DBF4: variants seen among roughly 807,000 people sequenced by gnomAD.
DBF4 encodes protein DBF4 homolog A.
Under a neutral mutation model 76.6 loss-of-function variants are expected in DBF4, and 25 were observed. The ratio of observed to expected loss-of-function variants is 0.33; its 90% CI spans 0.24 to 0.46. The LOEUF is 0.46. Among genes scored for constraint, DBF4 ranks in the 20% least tolerant of loss-of-function variants. The pLI is 1.00. For missense variants in DBF4, 638 were observed against 760.8 expected (o/e 0.84, Z 1.90); for synonymous variants, 213 against 258.0 (o/e 0.83, Z 1.67).
Position 87,888,038 on chromosome 7 carries a change from A to G in DBF4, c.576A>G (p.Ser192=). 1 of 1,562,316 alleles carries G rather than the reference A, an allele frequency of 6.4e-7. No homozygotes were observed. Among genetic ancestry groups the G allele is most frequent in the Non-Finnish European group, 8.6e-7 (1 of 1,157,414 alleles). ...KKKELYLLKK[S]STSVRDGGKR... is the part of the protein sequence containing the mutation. ...AAGAGTTGTATTTACTCAAGAAATC[A>G]AGTACTTCAGTAAGAGATGGGGTAT... The change falls in exon 6 of 12, where the codon TCA becomes TCG. Residue 192 remains serine, a synonymous_variant. Coordinates refer to ENST00000265728, the MANE Select transcript of DBF4 (RefSeq NM_006716.4).
chr7:87,896,447 A>T, intron 6 of DBF4, 27 bp from the exon 7 acceptor site: 1 of 1,603,790 alleles, frequency 6.2e-7, no homozygotes, highest in Non-Finnish European at 8.5e-7. Context: ...TTCAAAGCCA[A>T]TCTTTTCACT....
At chr7:87,891,598 G>C (rs1839491950) in intron 6 of DBF4, among the ~76,000 whole-genome samples, 2 of 152,028 alleles carry the variant, frequency 1.3e-5, no homozygotes, top group Non-Finnish European at 1.5e-5. Flanking sequence ...TATTAACTTT[G>C]TAATGTCTAT....
At chr7:87,891,116 G>T (rs758772302) in intron 6 of DBF4, among the ~76,000 whole-genome samples, 18 of 150,888 alleles carry the variant, frequency 1.2e-4, no homozygotes, top group African/African-American at 4.4e-4. Flanking sequence ...TATGGTAATT[G>T]GATAAAGGTA....
At chr7:87,889,148 T>C (rs1839428449) in intron 6 of DBF4, among the ~76,000 whole-genome samples, 1 of 152,170 alleles carries the variant, frequency 6.6e-6, no homozygotes, top group Non-Finnish European at 1.5e-5. Flanking sequence ...CTTGGAGAGT[T>C]TGGAAAATTA....
chr7:87,907,036 A>G (rs1034798765), intron 11 of DBF4, 152 bp from the exon 12 acceptor site: 63 of 869,776 alleles, frequency 7.2e-5, no homozygotes, highest in Admixed American at 4.4e-4. Flanking sequence ...ATTTGGCAAA[A>G]TGTTAAGATG....
chr7:87,900,807 C>T lies in DBF4; in HGVS notation c.853C>T (p.Leu285Phe), dbSNP rs777396156. The T allele has an allele frequency of 3.7e-6, 6 of 1,613,224 alleles. No homozygotes were observed. Among genetic ancestry groups the T allele is most frequent in the East Asian group, 2.2e-5 (1 of 44,792 alleles). Reference sequence around the variant, plus strand: ...TAAGTATGGTGGAACCTCAATTCAACTCCAGTTGAAAGAGAAGAAGAAAAA... The same window carrying T: ...TAAGTATGGTGGAACCTCAATTCAATTCCAGTTGAAAGAGAAGAAGAAAAA... ...GDKYGGTSIQLQLKEKKKKGY... is the reference protein window; with the variant it reads ...GDKYGGTSIQFQLKEKKKKGY... The change falls in exon 10 of 12, where the codon CTC becomes TTC. Residue 285 changes from leucine to phenylalanine, a missense_variant. Leu to Phe is a conservative substitution (Grantham distance 22). Coordinates refer to ENST00000265728, the MANE Select transcript of DBF4 (RefSeq NM_006716.4).
At position 87,878,232 on chromosome 7, in the gene DBF4, G is replaced by A. The variant is rs770365562; in HGVS notation, c.219+7G>A. The A allele has an allele frequency of 3.1e-6, 5 of 1,603,982 alleles. No homozygotes were observed. The highest frequency in any genetic ancestry group is 3.4e-6 in the Non-Finnish European group (4 of 1,176,038). ...CATTAAGGATCTGGGAGGGGTAAGT[G>A]AAAACCGTACACTGGCATAGAAGGA... On this transcript the variant is annotated splice_region_variant and intron_variant, in intron 2 of 11. Transcript: ENST00000265728.
chr7:87,897,228 GT>G, intron 7 of DBF4, 65 bp from the exon 8 acceptor site: 1 of 1,418,062 alleles, frequency 7.1e-7, no homozygotes. Context: ...TGCCACAGTA[GT>G]TTTATTAAAA....
At chr7:87,896,750 T>C (rs1012914228) in intron 7 of DBF4, among the ~76,000 whole-genome samples, 1 of 152,232 alleles carries the variant, frequency 6.6e-6, no homozygotes, top group African/African-American at 2.4e-5. Context: ...TATATTAAAA[T>C]GTAGTTACCA....
intron 3 of DBF4, among the ~76,000 whole-genome samples, chr7:87,886,201 A>T (rs552629301): frequency 1.3e-5 from 2 of 152,166 alleles, no homozygotes; most frequent in Admixed American, 6.5e-5. Flanking sequence ...ATTGTTGGTT[A>T]TGGCATTTCA....
rs1839310827 is a variant in DBF4, at chr7:87,885,063, AT to A, written c.307del (p.Ser103LeufsTer34). ...EAKFAQTLGR[I>X]SPVPSPESAY... ...TAAATTTGCACAAACCTTGGGTCGAATTTCTCCTGTACCAAGTCCAGAATCT... is the reference window on the plus strand; with the variant it reads ...TAAATTTGCACAAACCTTGGGTCGAATTCTCCTGTACCAAGTCCAGAATCT... On this transcript the variant is annotated frameshift_variant, in exon 3 of 12. Transcript: ENST00000265728. LOFTEE classifies it high-confidence loss of function. 7.4e-6 allele frequency: 12 copies of A among 1,613,886 alleles called. No homozygotes were observed. In the South Asian group the frequency reaches 1.3e-4, roughly 18 times the overall value.
intron 10 of DBF4, among the ~76,000 whole-genome samples, chr7:87,903,092 T>C (rs1839828289): frequency 6.6e-6 from 1 of 152,214 alleles, no homozygotes; most frequent in Admixed American, 6.5e-5. Context: ...TTGTTTTTTG[T>C]TTTTATTTGA....
At chr7:87,884,021 C>T (rs1188797166) in intron 2 of DBF4, among the ~76,000 whole-genome samples, 2 of 152,038 alleles carry the variant, frequency 1.3e-5, no homozygotes, top group Admixed American at 1.3e-4. Flanking sequence ...TAAGTAAATT[C>T]AGATACTTAG....
intron 10 of DBF4, among the ~76,000 whole-genome samples, chr7:87,902,873 T>C (rs975877144): frequency 6.6e-6 from 1 of 152,172 alleles, no homozygotes; most frequent in Non-Finnish European, 1.5e-5. Context: ...AAATGTAAAA[T>C]TGCATGAAAC....
chr7:87,896,569 C>T, intron 7 of DBF4, 59 bp downstream of exon 7: 1 of 1,466,526 alleles, frequency 6.8e-7, no homozygotes. Flanking sequence ...CATAAAAGAT[C>T]TTCTAAAATC....
intron 8 of DBF4, among the ~76,000 whole-genome samples, chr7:87,899,634 A>G (rs990702780): frequency 2.3e-4 from 35 of 152,252 alleles, no homozygotes; most frequent in South Asian, 4.1e-4. Context: ...TCAGCAAATT[A>G]ATGGATAAAC....
chr7:87,893,466 C>T (rs1397640279), intron 6 of DBF4, among the ~76,000 whole-genome samples: 4 of 151,330 alleles, frequency 2.6e-5, no homozygotes, highest in Non-Finnish European at 5.9e-5. Flanking sequence ...AGAATGGTCT[C>T]GATCTCCTGA....
intron 11 of DBF4, among the ~76,000 whole-genome samples, chr7:87,905,930 G>A (rs1839902505): frequency 6.6e-6 from 1 of 151,970 alleles, no homozygotes. Flanking sequence ...GAAAGGCCGA[G>A]GCGGGCAGAT....
intron 2 of DBF4, chr7:87,878,463 C>G (rs1469247487): frequency 1.3e-5 from 5 of 374,122 alleles, no homozygotes; most frequent in Non-Finnish European, 2.4e-5. Context: ...TAAGACTCCC[C>G]TGTCCTAGTG....
Sources: gnomAD v4.1 joint callset for allele counts (sites outside exome capture counted in the v4.1 genomes callset) on GRCh38, gnomAD v4.1.1 for gene constraint, MANE v1.5 for transcripts, NCBI Gene and HGNC (gene_info 2026-07-23, HGNC 2026-07-21) for gene names.